CALD1: variants seen among roughly 807,000 people sequenced by gnomAD.
CALD1 encodes caldesmon.
A neutral mutation model predicts 99.9 loss-of-function variants in CALD1; 33 were observed. The observed-to-expected ratio is 0.33, with a 90% CI of 0.25 to 0.44. The LOEUF (loss-of-function observed/expected upper bound fraction) is 0.44, where lower values mean the gene tolerates loss of function less well. Among genes scored for constraint, CALD1 ranks in the 20% least tolerant of loss-of-function variants. The probability of loss-of-function intolerance (pLI) is 1.00; values close to 1 mark genes in which losing one functional copy is unlikely to be tolerated. For missense variants in CALD1, 861 were observed against 962.1 expected (o/e 0.89, Z 1.39); for synonymous variants, 310 against 325.0 (o/e 0.95, Z 0.50).
intron 1 of CALD1, among the ~76,000 whole-genome samples, chr7:134,769,080 T>A (rs185161553): frequency 1.3e-3 from 193 of 150,660 alleles, no homozygotes; most frequent in Non-Finnish European, 2.1e-3. Context: ...TATATTTTTA[T>A]AATTATACAT....
chr7:134,841,953 G>A (rs1182971401), intron 1 of CALD1, among the ~76,000 whole-genome samples: 1 of 152,158 alleles, frequency 6.6e-6, no homozygotes, highest in Non-Finnish European at 1.5e-5. Context: ...TCCTAGAAAT[G>A]TGTTTTTAGC....
intron 3 of CALD1, among the ~76,000 whole-genome samples, chr7:134,914,053 T>C (rs1281362274): frequency 2.0e-5 from 3 of 152,208 alleles, no homozygotes; most frequent in African/African-American, 7.2e-5. Flanking sequence ...AATATAAAGC[T>C]TGAATTCGAA....
rs963158326 is a variant in CALD1, at chr7:134,880,918, G to GT, written c.71+13122dup. ...CGGCTTTTGAACTGAACAGAATGAAGTTTTTTTTAAACTCTAGGTTGAGGC... is the reference window on the plus strand; with the variant it reads ...CGGCTTTTGAACTGAACAGAATGAAGTTTTTTTTTAAACTCTAGGTTGAGGC... On this transcript the variant is annotated intron_variant, in intron 3 of 14. Coordinates refer to ENST00000361675, the MANE Select transcript of CALD1 (RefSeq NM_033138.4). Among the ~76,000 whole-genome samples the GT allele has an allele frequency of 4.9e-4, 75 of 152,030 alleles. 1 individual carries two copies. The highest frequency in any genetic ancestry group is 3.7e-3 in the Admixed American group (57 of 15,266).
At chr7:134,875,058 A>G (rs1246931377) in intron 3 of CALD1, among the ~76,000 whole-genome samples, 1 of 152,232 alleles carries the variant, frequency 6.6e-6, no homozygotes, top group Non-Finnish European at 1.5e-5. Context: ...ATTTTCCATT[A>G]AGAAGTTAAA....
intron 1 of CALD1, among the ~76,000 whole-genome samples, chr7:134,797,879 AC>A (rs1388374640): frequency 6.6e-6 from 1 of 152,216 alleles, no homozygotes; most frequent in African/African-American, 2.4e-5. Context: ...GGCGTGAGCC[AC>A]CATGGCTGGC....
intron 2 of CALD1, among the ~76,000 whole-genome samples, chr7:134,848,661 A>G (rs149130077): frequency 9.9e-5 from 15 of 152,260 alleles, no homozygotes; most frequent in African/African-American, 3.4e-4. Flanking sequence ...TTCTAGGAGT[A>G]TTTTCTCCAA....
At chr7:134,907,336 A>G (rs1803464689) in intron 3 of CALD1, among the ~76,000 whole-genome samples, 1 of 152,178 alleles carries the variant, frequency 6.6e-6, no homozygotes, top group Non-Finnish European at 1.5e-5. Flanking sequence ...CTAAGATCAG[A>G]GCATAGTAGA....
intron 2 of CALD1, among the ~76,000 whole-genome samples, chr7:134,847,677 C>A (rs1042556011): frequency 6.6e-6 from 1 of 152,184 alleles, no homozygotes; most frequent in East Asian, 1.9e-4. Context: ...AAACGTGTTT[C>A]CCCGGCCAGG....
Position 134,810,895 on chromosome 7 carries a change from CA to C in CALD1, c.-130+31148del, listed in dbSNP as rs763532996. Among the ~76,000 whole-genome samples, 8 of 152,318 alleles carry C rather than the reference CA, an allele frequency of 5.3e-5. No individual in the cohort carries two copies. In the South Asian group the frequency reaches 8.3e-4, roughly 16 times the overall value. The stretch of plus-strand genomic sequence containing the variant: ...CAGATTTTCCCAAGCACATGTCTAT[CA>C]ACATGTGCTGTCAGCCAGGCAAATT... On this transcript the variant is annotated intron_variant, in intron 1 of 14. Coordinates refer to ENST00000361675, the MANE Select transcript of CALD1 (RefSeq NM_033138.4).
intron 3 of CALD1, among the ~76,000 whole-genome samples, chr7:134,885,513 G>A (rs772736584): frequency 6.6e-6 from 1 of 152,106 alleles, no homozygotes; most frequent in Non-Finnish European, 1.5e-5. Flanking sequence ...AGCTATAAAA[G>A]CCATGTGTAA....
At chr7:134,807,565 C>T (rs555716600) in intron 1 of CALD1, among the ~76,000 whole-genome samples, 2 of 152,240 alleles carry the variant, frequency 1.3e-5, no homozygotes, top group East Asian at 1.9e-4. Context: ...CAGTGAATAA[C>T]CCTGGAATAT....
intron 8 of CALD1, among the ~76,000 whole-genome samples, chr7:134,949,862 T>A (rs1348520116): frequency 1.3e-5 from 2 of 151,480 alleles, no homozygotes; most frequent in Non-Finnish European, 2.9e-5. Context: ...AGAATTGCCT[T>A]GGGCCACACA....
chr7:134,788,948 G>A (rs528902185), intron 1 of CALD1, among the ~76,000 whole-genome samples: 1 of 149,366 alleles, frequency 6.7e-6, no homozygotes, highest in African/African-American at 2.5e-5. Flanking sequence ...TTGGGAGGTC[G>A]AAGCTGCAGT....
intron 7 of CALD1, among the ~76,000 whole-genome samples, chr7:134,942,186 G>A (rs1225289844): frequency 1.3e-5 from 2 of 152,152 alleles, no homozygotes; most frequent in Non-Finnish European, 2.9e-5. Flanking sequence ...CTTGTTCCTT[G>A]GCTGCAGGCT....
chr7:134,763,969 T>C (rs17168026), intron 1 of CALD1, among the ~76,000 whole-genome samples: 4,775 of 151,462 alleles, frequency 0.032, 231 homozygotes, highest in African/African-American at 0.11. Context: ...CTAATTGGCA[T>C]TCTAGTTTCT....
chr7:134,803,288 A>G (rs1175122214), intron 1 of CALD1, among the ~76,000 whole-genome samples: 1 of 152,142 alleles, frequency 6.6e-6, no homozygotes, highest in Non-Finnish European at 1.5e-5. Context: ...AGTCAGATAT[A>G]TGTATTATAT....
intron 3 of CALD1, chr7:134,920,704 C>T: frequency 7.8e-7 from 1 of 1,286,424 alleles, no homozygotes; most frequent in Non-Finnish European, 1.0e-6. Context: ...GGGGACCGGT[C>T]AACTGTCTAC....
chr7:134,890,260 G>A (rs776417593), intron 3 of CALD1, among the ~76,000 whole-genome samples: 1 of 152,320 alleles, frequency 6.6e-6, no homozygotes, highest in East Asian at 1.9e-4. Context: ...CAACCAAAAT[G>A]TTCTAGCTAA....
chr7:134,846,772 T>C (rs568172203), intron 2 of CALD1, among the ~76,000 whole-genome samples: 3 of 152,316 alleles, frequency 2.0e-5, no homozygotes, highest in South Asian at 4.1e-4. Flanking sequence ...TAAATGTACA[T>C]TGAGATACCA....
Sources: allele counts gnomAD v4.1 joint callset (sites outside exome capture counted in the v4.1 genomes callset), GRCh38; gene constraint gnomAD v4.1.1; transcripts MANE v1.5; gene names NCBI Gene and HGNC (gene_info 2026-07-23, HGNC 2026-07-21).